RBFOX3: variants seen among roughly 807,000 people sequenced by gnomAD.
The protein encoded by RBFOX3 is RNA binding fox-1 homolog 3, also known as RNA binding protein fox-1 homolog 3.
A neutral mutation model predicts 48.7 loss-of-function variants in RBFOX3; 17 were observed. The ratio of observed to expected loss-of-function variants is 0.35; its 90% confidence interval spans 0.24 to 0.52. RBFOX3 has a LOEUF of 0.52. Ranked by LOEUF, RBFOX3 falls within the 20% of genes least tolerant of loss-of-function variation. The pLI, the probability that RBFOX3 is intolerant of heterozygous loss-of-function variation, is 0.94. For synonymous variants in RBFOX3, 212 were observed against 209.5 expected (o/e 1.01, Z -0.10); for missense variants, 382 against 497.5 (o/e 0.77, Z 2.21).
In RBFOX3 at chr17:79,214,595, C is replaced by T. The variant is rs1360382654; in HGVS notation, c.-34+21171G>A. 1.3e-5 allele frequency among the ~76,000 whole-genome samples: 2 copies of T among 151,726 alleles called. No individual in the cohort carries two copies. The highest frequency in any genetic ancestry group is 2.4e-5 in the African/African-American group (1 of 41,302). The stretch of plus-strand genomic sequence containing the variant: ...TCTCGGAGGAAGCAGGAAGGGTTGG[C>T]CTCTGTGGCTGTCCAGGGAGAGAGA... On this transcript the variant is annotated intron_variant, in intron 4 of 14. Transcript: ENST00000693108. This position sits in a 1 kb window ranked among gnomAD's most constrained non-coding sequence, Gnocchi z 4.7.
chr17:79,376,080 T>C (rs1453013393), intron 2 of RBFOX3, among the ~76,000 whole-genome samples: 1 of 152,182 alleles, frequency 6.6e-6, no homozygotes, highest in Non-Finnish European at 1.5e-5. Flanking sequence ...ATGTGGAGTC[T>C]GAATGCCCCA....
chr17:79,293,416 CTTCCTTCCTTCCTTCCTTCCTTCCTT>C (rs2073752136), intron 3 of RBFOX3, among the ~76,000 whole-genome samples: 2 of 16,678 alleles, frequency 1.2e-4, no homozygotes, highest in Non-Finnish European at 9.9e-5. Flanking sequence ...CCACCCCTTC[CTTCCTTCCTTCCTTCCTTCCTTCCTT>C]CCTTCCTTCC....
rs60869273 is a variant in RBFOX3, at chr17:79,292,580, ACATG to A, written c.-74+15140_-74+15143del. ...GTTGGCACTGTACACACACACACAC[ACATG>A]CACACACACACACACGCACACACAC... On this transcript the variant is annotated intron_variant, in intron 3 of 14. Coordinates refer to ENST00000693108, the MANE Select transcript of RBFOX3 (RefSeq NM_001350451.2). Among the ~76,000 whole-genome samples, 426 of 105,936 alleles carry A rather than the reference ACATG, an allele frequency of 4.0e-3. 1 individual carries two copies. The highest frequency in any genetic ancestry group is 0.026 in the East Asian group (78 of 3,052). 69.5% of individuals were successfully genotyped at this position (105,936 alleles called of 152,430 possible).
intron 2 of RBFOX3, among the ~76,000 whole-genome samples, chr17:79,458,154 A>G (rs2074832673): frequency 6.6e-6 from 1 of 152,238 alleles, no homozygotes; most frequent in African/African-American, 2.4e-5. Context: ...CCAGGCCCAC[A>G]TGGTAGGCAG....
intron 3 of RBFOX3, among the ~76,000 whole-genome samples, chr17:79,260,674 G>A (rs1026825679): frequency 3.8e-4 from 58 of 152,322 alleles, no homozygotes; most frequent in African/African-American, 1.3e-3. Flanking sequence ...ACACAGCCAA[G>A]CTGCAGCCAG....
At chr17:79,313,780 G>T (rs2077169478) in intron 2 of RBFOX3, among the ~76,000 whole-genome samples, 1 of 152,182 alleles carries the variant, frequency 6.6e-6, no homozygotes, top group Non-Finnish European at 1.5e-5. Context: ...CTGCCTCGGG[G>T]TGGGGGGCCG....
At chr17:79,417,299 T>C (rs2065531930) in intron 2 of RBFOX3, among the ~76,000 whole-genome samples, 1 of 152,176 alleles carries the variant, frequency 6.6e-6, no homozygotes, top group Non-Finnish European at 1.5e-5. Context: ...TCACTCCTGC[T>C]CAGGGGTGCC....
chr17:79,372,102 C>G (rs979235973), intron 2 of RBFOX3, among the ~76,000 whole-genome samples: 2 of 152,024 alleles, frequency 1.3e-5, no homozygotes, highest in Non-Finnish European at 2.9e-5. Flanking sequence ...CCAGTAACTG[C>G]GAGGATGACT....
intron 4 of RBFOX3, among the ~76,000 whole-genome samples, chr17:79,138,263 C>G (rs958891942): frequency 2.0e-5 from 3 of 152,184 alleles, no homozygotes; most frequent in African/African-American, 7.2e-5. Context: ...CCTCTACATA[C>G]CTGTATTCCC....
At chr17:79,113,118 G>A (rs1171731248) in intron 5 of RBFOX3, among the ~76,000 whole-genome samples, 1 of 152,136 alleles carries the variant, frequency 6.6e-6, no homozygotes, top group East Asian at 1.9e-4. Flanking sequence ...CCAAGGGGAG[G>A]CTCGAGTGAG....
chr17:79,498,815 C>T (rs2081972388), intron 1 of RBFOX3, among the ~76,000 whole-genome samples: 1 of 150,662 alleles, frequency 6.6e-6, no homozygotes, highest in African/African-American at 2.4e-5. Flanking sequence ...ATCCACTTAC[C>T]CATCCATCCA....
chr17:79,369,122 T>A (rs893471047), intron 2 of RBFOX3, among the ~76,000 whole-genome samples: 1 of 152,140 alleles, frequency 6.6e-6, no homozygotes, highest in Non-Finnish European at 1.5e-5. Context: ...CTGCGCCCAG[T>A]GCAGCTGGTG....
At chr17:79,339,580 T>G (rs988843951) in intron 2 of RBFOX3, among the ~76,000 whole-genome samples, 4 of 152,178 alleles carry the variant, frequency 2.6e-5, no homozygotes, top group African/African-American at 9.7e-5. Context: ...TCCCAGAGTT[T>G]CTGATTCAGT....
chr17:79,131,054 G>A (rs1305773397), intron 4 of RBFOX3, among the ~76,000 whole-genome samples: 7 of 151,638 alleles, frequency 4.6e-5, no homozygotes, highest in African/African-American at 1.7e-4. Context: ...GTACTTGTGT[G>A]TACCGTGAGC....
At chr17:79,523,614 T>C (rs1328095642) in intron 1 of RBFOX3, among the ~76,000 whole-genome samples, 1 of 152,092 alleles carries the variant, frequency 6.6e-6, no homozygotes, top group Non-Finnish European at 1.5e-5. Flanking sequence ...AACGGCCCCA[T>C]TGGTTCATGG....
chr17:79,471,179 T>G lies in RBFOX3; in HGVS notation c.-175+11275A>C, dbSNP rs977366890. Among the ~76,000 whole-genome samples the G allele has an allele frequency of 1.6e-4, 24 of 152,260 alleles. No homozygotes were observed. The highest frequency in any genetic ancestry group is 5.8e-4 in the African/African-American group (24 of 41,544). ...GTGAGTCCTGGGTCCCCAGCACCCC[T>G]CCTGCTGGAAGAGGCCAGGACACAC... On this transcript the variant is annotated intron_variant, in intron 2 of 14. Transcript: ENST00000693108. The surrounding 1 kb of genome is among the most constrained non-coding windows in gnomAD (Gnocchi z 4.0).
chr17:79,493,271 G>A (rs1020112655), intron 1 of RBFOX3, among the ~76,000 whole-genome samples: 4 of 152,140 alleles, frequency 2.6e-5, no homozygotes, highest in Admixed American at 6.5e-5. Flanking sequence ...TGAGGGATCC[G>A]CCCCCATGAT....
intron 5 of RBFOX3, among the ~76,000 whole-genome samples, chr17:79,107,226 C>T (rs1195286808): frequency 6.6e-6 from 1 of 152,230 alleles, no homozygotes; most frequent in South Asian, 2.1e-4. Flanking sequence ...AGACAGATGT[C>T]GGCCTGGCCC....
In RBFOX3 at chr17:79,362,508, G is replaced by C. The variant is rs1298933346; in HGVS notation, c.-174-54684C>G. Among the ~76,000 whole-genome samples the C allele has an allele frequency of 6.6e-6, 1 of 152,230 alleles. No individual in the cohort carries two copies. Among genetic ancestry groups the C allele is most frequent in the Non-Finnish European group, 1.5e-5 (1 of 68,034 alleles). On this transcript the variant is annotated intron_variant, in intron 2 of 14. Transcript: ENST00000693108. The surrounding 1 kb of genome is among the most constrained non-coding windows in gnomAD (Gnocchi z 4.2). ...GGGCCTGGATGGCACTAGGCTGAGG[G>C]GAGCAGGGGGAGCAGTGTCAGCAGG...
Sources: allele counts gnomAD v4.1 joint callset (sites outside exome capture counted in the v4.1 genomes callset), GRCh38; gene constraint gnomAD v4.1.1; non-coding constraint Gnocchi (gnomAD v3.1); transcripts MANE v1.5; gene names NCBI Gene and HGNC (gene_info 2026-07-23, HGNC 2026-07-21).